PRLR: variants seen among roughly 807,000 people sequenced by gnomAD.
PRLR encodes the protein hPRL receptor.
Under a neutral mutation model 40.2 loss-of-function variants are expected in PRLR, and 13 were observed. The ratio of observed to expected loss-of-function variants is 0.32; its 90% CI spans 0.21 to 0.51. PRLR has a LOEUF of 0.51. Ranked by LOEUF, PRLR falls within the 20% of genes least tolerant of loss-of-function variation. PRLR has a pLI of 0.97. For missense variants in PRLR, 656 were observed against 747.3 expected (o/e 0.88, Z 1.42); for synonymous variants, 269 against 278.7 (o/e 0.97, Z 0.35).
At chr5:35,086,174 G>A (rs751467413) in intron 4 of PRLR, 34 bp downstream of exon 4, 1 of 1,611,976 alleles carries the variant, frequency 6.2e-7, no homozygotes, top group Non-Finnish European at 8.5e-7. Flanking sequence ...GAGTACTCAT[G>A]TGGGGTTTCA....
intron 2 of PRLR, among the ~76,000 whole-genome samples, chr5:35,109,421 C>T (rs558910984): frequency 1.6e-4 from 25 of 152,174 alleles, no homozygotes; most frequent in East Asian, 3.9e-4. Context: ...ACCATCAGAG[C>T]GAACTGGCAA....
intron 1 of PRLR, among the ~76,000 whole-genome samples, chr5:35,226,027 G>A (rs567228694): frequency 6.6e-6 from 1 of 152,156 alleles, no homozygotes; most frequent in African/African-American, 2.4e-5. Context: ...TAAAAATCTG[G>A]GGTGCGTTGT....
At chr5:35,196,145 A>G (rs903066733) in intron 1 of PRLR, among the ~76,000 whole-genome samples, 3 of 151,546 alleles carry the variant, frequency 2.0e-5, no homozygotes, top group East Asian at 1.9e-4. Context: ...GGCCAGGAGA[A>G]TGGTTCATTC....
chr5:35,159,666 A>C (rs796464327), intron 1 of PRLR, among the ~76,000 whole-genome samples: 15 of 152,332 alleles, frequency 9.8e-5, no homozygotes, highest in African/African-American at 3.6e-4. Flanking sequence ...AAACCCAAGT[A>C]ATTCCTTTCA....
intron 1 of PRLR, among the ~76,000 whole-genome samples, chr5:35,198,718 T>C (rs1288761811): frequency 6.6e-6 from 1 of 152,212 alleles, no homozygotes; most frequent in Non-Finnish European, 1.5e-5. Context: ...ACTTGGTCTT[T>C]GTTCTTTTTC....
At chr5:35,082,193 C>G (rs1473203854) in intron 5 of PRLR, among the ~76,000 whole-genome samples, 1 of 152,042 alleles carries the variant, frequency 6.6e-6, no homozygotes, top group African/African-American at 2.4e-5. Flanking sequence ...GTCCCCTGTA[C>G]TAAAAAAAGA....
chr5:35,119,121 G>A (rs1010480191), intron 1 of PRLR, among the ~76,000 whole-genome samples: 1 of 152,042 alleles, frequency 6.6e-6, no homozygotes, highest in Non-Finnish European at 1.5e-5. Context: ...AATGGGCTTC[G>A]ATATATATGA....
intron 1 of PRLR, among the ~76,000 whole-genome samples, chr5:35,207,460 C>T (rs527271511): frequency 3.3e-5 from 5 of 151,872 alleles, no homozygotes; most frequent in Non-Finnish European, 5.9e-5. Flanking sequence ...TATGCAGGAC[C>T]TATATGAGTA....
chr5:35,149,898 G>A (rs1284547265), intron 1 of PRLR, among the ~76,000 whole-genome samples: 1 of 150,286 alleles, frequency 6.7e-6, no homozygotes, highest in Non-Finnish European at 1.5e-5. Context: ...CACTCTTGTT[G>A]CCCAGGCTGG....
chr5:35,125,324 C>T (rs62355487), intron 1 of PRLR, among the ~76,000 whole-genome samples: 1,976 of 152,190 alleles, frequency 0.013, 55 homozygotes, highest in African/African-American at 0.045. Flanking sequence ...TGGACCTGAA[C>T]GAAATGACTT....
At chr5:35,077,901 C>G (rs1770225550) in intron 5 of PRLR, among the ~76,000 whole-genome samples, 1 of 152,154 alleles carries the variant, frequency 6.6e-6, no homozygotes, top group African/African-American at 2.4e-5. Flanking sequence ...TTAAGAAACT[C>G]ACTCAAAACT....
At chr5:35,126,565 T>C (rs780141679) in intron 1 of PRLR, among the ~76,000 whole-genome samples, 2 of 152,204 alleles carry the variant, frequency 1.3e-5, no homozygotes, top group Non-Finnish European at 2.9e-5. Flanking sequence ...GCAGCATGGT[T>C]CACTGGATGT....
chr5:35,164,103 G>A (rs1361673730), intron 1 of PRLR, among the ~76,000 whole-genome samples: 2 of 152,160 alleles, frequency 1.3e-5, no homozygotes, highest in East Asian at 3.9e-4. Context: ...ATTTTTGCTT[G>A]GAATAATTCT....
intron 1 of PRLR, among the ~76,000 whole-genome samples, chr5:35,164,591 G>A (rs1774767603): frequency 6.6e-6 from 1 of 152,166 alleles, no homozygotes; most frequent in African/African-American, 2.4e-5. Flanking sequence ...GACTGGGGAG[G>A]CAGGTAGGGG....
chr5:35,220,783 C>G (rs1040517669), intron 1 of PRLR, among the ~76,000 whole-genome samples: 4 of 152,160 alleles, frequency 2.6e-5, no homozygotes, highest in Non-Finnish European at 5.9e-5. Context: ...CTTATTTTCT[C>G]CTAATCCCAC....
intron 2 of PRLR, among the ~76,000 whole-genome samples, chr5:35,099,314 C>T (rs1414965547): frequency 6.6e-6 from 1 of 152,118 alleles, no homozygotes; most frequent in Non-Finnish European, 1.5e-5. Flanking sequence ...CTGAAAAGTT[C>T]CTATTGCCTA....
intron 1 of PRLR, among the ~76,000 whole-genome samples, chr5:35,163,584 T>C (rs1268012104): frequency 2.0e-5 from 3 of 152,214 alleles, no homozygotes. Context: ...GCTGGTATTA[T>C]CAGAGTGGAA....
chr5:35,198,257 C>T (rs577356278), intron 1 of PRLR, among the ~76,000 whole-genome samples: 9 of 152,362 alleles, frequency 5.9e-5, no homozygotes, highest in Non-Finnish European at 1.3e-4. Context: ...CCTACTCCAG[C>T]AGTGCTGGCC....
At position 35,081,970 on chromosome 5, in the gene PRLR, G is replaced by T. The variant is rs531227138; in HGVS notation, c.373+2500C>A. On this transcript the variant is annotated intron_variant, in intron 5 of 9. Transcript: ENST00000618457. The stretch of plus-strand genomic sequence containing the variant: ...ATTAGGCTGCAGCAACAGGGTGGTG[G>T]ACTCATGGTCCACATGGCCTCCATG... The T allele has an allele frequency of 4.2e-5, 8 of 189,076 alleles. No homozygotes were observed. In the East Asian group the frequency reaches 7.7e-4, roughly 18 times the overall value. 11.7% of individuals were successfully genotyped at this position (189,076 alleles called of 1,614,324 possible).
Sources: allele counts gnomAD v4.1 joint callset (sites outside exome capture counted in the v4.1 genomes callset), GRCh38; gene constraint gnomAD v4.1.1; transcripts MANE v1.5; gene names NCBI Gene and HGNC (gene_info 2026-07-23, HGNC 2026-07-21).